Variants in PHF20L1 observed in about 807,000 individuals in gnomAD.
PHF20L1 encodes the protein PHD finger protein 20-like protein 1.
PHF20L1 carries 44 observed loss-of-function variants against 125.5 expected under a neutral mutation model. The observed-to-expected ratio is 0.35, with a 90% CI of 0.28 to 0.45. The LOEUF is 0.45. Among genes scored for constraint, PHF20L1 ranks in the 20% least tolerant of loss-of-function variants. The pLI is 1.00. For synonymous variants in PHF20L1, 380 were observed against 403.1 expected, an observed-to-expected ratio of 0.94 and a Z score of 0.69; for missense variants, 1,012 against 1,217.2, an observed-to-expected ratio of 0.83 and a Z score of 2.51.
intron 2 of PHF20L1, 150 bp from the exon 3 acceptor site, chr8:132,794,258 CAG>C: frequency 1.9e-6 from 1 of 537,832 alleles, no homozygotes; most frequent in Non-Finnish European, 3.3e-6. Flanking sequence ...GACAATAAAG[CAG>C]AGTTTTTTGG....
At chr8:132,795,462 C>G (rs1440503574) in intron 4 of PHF20L1, among the ~76,000 whole-genome samples, 2 of 152,018 alleles carry the variant, frequency 1.3e-5, no homozygotes, top group African/African-American at 4.8e-5. Flanking sequence ...TTGGACAGAT[C>G]ATTAATTTAA....
intron 2 of PHF20L1, among the ~76,000 whole-genome samples, chr8:132,794,103 G>T (rs2131451918): frequency 6.6e-6 from 1 of 152,128 alleles, no homozygotes; most frequent in East Asian, 1.9e-4. Flanking sequence ...TCCAGAATTG[G>T]AATTGTTGGG....
chr8:132,830,042 G>T (rs1300662140), intron 14 of PHF20L1, among the ~76,000 whole-genome samples: 1 of 152,016 alleles, frequency 6.6e-6, no homozygotes, highest in Non-Finnish European at 1.5e-5. Context: ...TTATCTTAAA[G>T]TTCTGGAGGT....
intron 9 of PHF20L1, among the ~76,000 whole-genome samples, chr8:132,814,083 T>C (rs1334356334): frequency 6.6e-6 from 1 of 151,924 alleles, no homozygotes; most frequent in East Asian, 1.9e-4. Flanking sequence ...TATGAAACTC[T>C]AGCTTTCAGC....
chr8:132,848,458 A>G lies in PHF20L1; in HGVS notation c.*2535A>G, dbSNP rs754260777. The G allele has an allele frequency of 2.0e-5, 3 of 152,506 alleles. No individual in the cohort carries two copies. Among genetic ancestry groups the G allele is most frequent in the African/African-American group, 7.2e-5 (3 of 41,448 alleles). The allele number at this position is 152,506 out of a possible 1,614,324, so 9.4% of individuals were successfully genotyped here. A position where few individuals can be genotyped will look rare whatever the true frequency, so the allele number is the denominator to read the frequency against. On this transcript the variant is annotated 3_prime_UTR_variant, in exon 21 of 21. Coordinates refer to ENST00000395386, the MANE Select transcript of PHF20L1 (RefSeq NM_016018.5). ...TCTTTTAGTCTTTTTAAATATCACT[A>G]TATGTATTTAAATAGAAGCAATAAA...
intron 2 of PHF20L1, among the ~76,000 whole-genome samples, chr8:132,778,712 A>G (rs1436728112): frequency 2.6e-5 from 4 of 152,142 alleles, no homozygotes; most frequent in East Asian, 1.9e-4. Context: ...CGTATTCCTC[A>G]TTTGGGTTAA....
Position 132,848,799 on chromosome 8 carries a change from T to TCCTG in PHF20L1, c.*2879_*2882dup, listed in dbSNP as rs1330397290. ...TATTTCCCCTCCAATAAACGAAGTC[T>TCCTG]CCTGCCAACTTCACTGTCTCTGTTA... On this transcript the variant is annotated 3_prime_UTR_variant, in exon 21 of 21. Transcript: ENST00000395386. 6.6e-6 allele frequency: 1 copy of TCCTG among 152,090 alleles called. No individual in the cohort carries two copies. The highest frequency in any genetic ancestry group is 1.5e-5 in the Non-Finnish European group (1 of 67,952). 9.4% of individuals were successfully genotyped at this position (152,090 alleles called of 1,614,324 possible). A position where few individuals can be genotyped will look rare whatever the true frequency, so the allele number is the denominator to read the frequency against.
chr8:132,776,655 A>G (rs1329358528), intron 1 of PHF20L1, among the ~76,000 whole-genome samples: 1 of 152,220 alleles, frequency 6.6e-6, no homozygotes, highest in Non-Finnish European at 1.5e-5. Context: ...CAAAGAGAAA[A>G]GAGGGAGCAG....
intron 1 of PHF20L1, among the ~76,000 whole-genome samples, chr8:132,777,113 GTTA>G (rs1171221892): frequency 6.6e-6 from 1 of 152,156 alleles, no homozygotes; most frequent in African/African-American, 2.4e-5. Context: ...ACAAAAGCAT[GTTA>G]TTATTGCTTG....
chr8:132,792,970 T>C (rs959989069), intron 2 of PHF20L1, among the ~76,000 whole-genome samples: 11 of 150,424 alleles, frequency 7.3e-5, no homozygotes, highest in East Asian at 3.9e-4. Context: ...TTTTCTTTTT[T>C]TTTTTTTTTT....
chr8:132,843,225 C>T, intron 19 of PHF20L1: 2 of 1,004,816 alleles, frequency 2.0e-6, no homozygotes, highest in Non-Finnish European at 2.4e-6. Context: ...AATGATTTGT[C>T]TTCCTCTTTA....
chr8:132,836,857 A>G (rs1837409704), intron 16 of PHF20L1, 136 bp downstream of exon 16: 1 of 635,290 alleles, frequency 1.6e-6, no homozygotes, highest in Non-Finnish European at 2.8e-6. Flanking sequence ...GAAAATACCC[A>G]TAGTAATGAT....
At chr8:132,844,133 T>C in intron 19 of PHF20L1, 23 bp from the exon 20 acceptor site, 1 of 1,610,490 alleles carries the variant, frequency 6.2e-7, no homozygotes, top group East Asian at 2.2e-5. Flanking sequence ...TTGTGTTTAT[T>C]TTCCAATGGT....
intron 8 of PHF20L1, chr8:132,807,562 A>G: frequency 2.8e-6 from 1 of 358,084 alleles, no homozygotes; most frequent in East Asian, 7.6e-5. Context: ...GTTATTGATA[A>G]TAATATCAAG....
chr8:132,777,878 C>T lies in PHF20L1; in HGVS notation c.50C>T (p.Ala17Val), dbSNP rs1830002192. The T allele has an allele frequency of 6.2e-7, 1 of 1,612,674 alleles. No homozygotes were observed. Among genetic ancestry groups the T allele is most frequent in the Non-Finnish European group, 8.5e-7 (1 of 1,178,922 alleles). ...NRPGITFEIG[A>V]RLEALDYLQK... ...CCTGGAATCACTTTTGAGATTGGTG[C>T]TCGTTTGGAGGCACTGGACTACTTA... The change falls in exon 2 of 21, where the codon GCT becomes GTT. Residue 17 changes from alanine (A) to valine (V), a missense_variant. Coordinates refer to ENST00000395386, the MANE Select transcript of PHF20L1 (RefSeq NM_016018.5).
chr8:132,798,920 C>G, intron 5 of PHF20L1, 60 bp downstream of exon 5: 1 of 1,180,498 alleles, frequency 8.5e-7, no homozygotes, highest in Non-Finnish European at 1.2e-6. Flanking sequence ...GGTGACTGAT[C>G]AAAATATATT....
At chr8:132,809,400 C>G (rs556413577) in intron 8 of PHF20L1, 23 of 152,400 alleles carry the variant, frequency 1.5e-4, no homozygotes, top group African/African-American at 5.3e-4. Context: ...CTCCTGACCT[C>G]AGGTGATTCT....
intron 15 of PHF20L1, among the ~76,000 whole-genome samples, chr8:132,835,793 A>G (rs1370331066): frequency 6.6e-6 from 1 of 152,096 alleles, no homozygotes; most frequent in Non-Finnish European, 1.5e-5. Flanking sequence ...TTCCCACTCC[A>G]TGGCTGCGTT....
At chr8:132,844,066 C>G in intron 19 of PHF20L1, 90 bp from the exon 20 acceptor site, 1 of 1,552,912 alleles carries the variant, frequency 6.4e-7, no homozygotes, top group East Asian at 2.3e-5. Flanking sequence ...CTAACTGTTA[C>G]CAGTGATGAG....
Sources: gnomAD v4.1 joint callset for allele counts (sites outside exome capture counted in the v4.1 genomes callset) on GRCh38, gnomAD v4.1.1 for gene constraint, MANE v1.5 for transcripts, NCBI Gene and HGNC (gene_info 2026-07-23, HGNC 2026-07-21) for gene names.